The following SFTPB variants were observed in gnomAD, a reference collection of about 807,000 sequenced individuals.
The protein encoded by SFTPB is surfactant protein B, also known as pulmonary surfactant-associated protein B.
A neutral mutation model predicts 51.0 loss-of-function variants in SFTPB; 32 were observed. That is an observed-to-expected ratio of 0.63 (90% CI 0.47 to 0.84). The LOEUF is 0.84. SFTPB is among the 40% of genes least tolerant of loss of function. SFTPB has a pLI of 0.00. For synonymous variants in SFTPB, 211 were observed against 208.5 expected, an observed-to-expected ratio of 1.01 and a Z score of -0.10; for missense variants, 431 against 491.2, an observed-to-expected ratio of 0.88 and a Z score of 1.16.
At chr2:85,667,078 C>A (rs767442825) in intron 3 of SFTPB, 28 bp downstream of exon 3, 13 of 1,581,018 alleles carry the variant, frequency 8.2e-6, no homozygotes, top group Non-Finnish European at 9.6e-6. Flanking sequence ...TGGGCCCCAA[C>A]CTTCATCCAG....
chr2:85,663,978 A>G (rs1451634848), intron 6 of SFTPB, 131 bp from the exon 7 acceptor site: 1 of 838,540 alleles, frequency 1.2e-6, no homozygotes, highest in African/African-American at 1.7e-5. Context: ...AAGGCTATTC[A>G]CAAATAAGGA....
Position 85,663,291 on chromosome 2 carries a change from A to G in SFTPB, c.1002+55T>C, listed in dbSNP as rs562747999. On this transcript the variant is annotated intron_variant, in intron 8 of 10. Transcript: ENST00000519937. ...TGGCTGCAAAGCCTTTCCTGGGCTCAGCCTTCTGCCTTGAACGGGCCCTGA... is the reference window on the plus strand; with the variant it reads ...TGGCTGCAAAGCCTTTCCTGGGCTCGGCCTTCTGCCTTGAACGGGCCCTGA... 1.0e-5 allele frequency: 16 copies of G among 1,600,974 alleles called. No individual in the cohort carries two copies. The South Asian group carries it at 1.6e-4, about 16-fold the overall frequency.
In SFTPB at chr2:85,665,510, C is replaced by G. The variant is rs34520179; in HGVS notation, c.582+96G>C. ...TGCCTGGAGCTTCCTATCACCTTCC[C>G]GGCTCTGCCTCTCCCAGGGCCCAGT... On this transcript the variant is annotated intron_variant, in intron 5 of 10. Coordinates refer to ENST00000519937, the MANE Select transcript of SFTPB (RefSeq NM_000542.5). 2,633 of 1,489,948 alleles carry G rather than the reference C, an allele frequency of 1.8e-3. 4 individuals carry two copies. The highest frequency in any genetic ancestry group is 2.1e-3 in the Non-Finnish European group (2,249 of 1,073,944). The allele number at this position is 1,489,948 out of a possible 1,614,324, so 92.3% of individuals were successfully genotyped here. A position where few individuals can be genotyped will look rare whatever the true frequency, so the allele number is the denominator to read the frequency against.
rs185394362 is a variant in SFTPB at position 85,667,234 on chromosome 2, C to A, written c.196-57G>T. 6.1e-6 allele frequency: 8 copies of A among 1,311,298 alleles called. No individual in the cohort carries two copies. The East Asian group carries it at 1.6e-4, about 26-fold the overall frequency. 81.2% of individuals were successfully genotyped at this position (1,311,298 alleles called of 1,614,324 possible). On this transcript the variant is annotated intron_variant, in intron 2 of 10. Coordinates refer to ENST00000519937, the MANE Select transcript of SFTPB (RefSeq NM_000542.5). ...ACATGAGTGGGGGAGGCTCCCAGCT[C>A]CAATGGGGAGGTTCTCTTAGGAAGA...
chr2:85,668,270 C>T, upstream of SFTPB: 2 of 1,307,684 alleles, frequency 1.5e-6, no homozygotes, highest in South Asian at 2.5e-5. Flanking sequence ...GTGGCAGCGA[C>T]CTCAGTGTTT....
chr2:85,666,493 C>CTGTGTGTGTG (rs59023726), intron 4 of SFTPB, 124 bp downstream of exon 4: 21 of 740,142 alleles, frequency 2.8e-5, no homozygotes, highest in Non-Finnish European at 3.1e-5. Context: ...GGCTTGGGTG[C>CTGTGTGTGTG]TGTGTGTGTG....
In SFTPB at chr2:85,659,191, C is replaced by G. The variant is rs966519547; in HGVS notation, c.*511G>C. The G allele has an allele frequency of 1.3e-4, 20 of 152,168 alleles. No homozygotes were observed. The highest frequency in any genetic ancestry group is 4.6e-4 in the African/African-American group (19 of 41,438). The allele number at this position is 152,168 out of a possible 1,614,324, so 9.4% of individuals were successfully genotyped here. A position where few individuals can be genotyped will look rare whatever the true frequency, so the allele number is the denominator to read the frequency against. On this transcript the variant is annotated 3_prime_UTR_variant, in exon 11 of 11. Transcript: ENST00000519937. Reference sequence around the variant, plus strand: ...TTGCTGATTTTTTGAAAAAGCTTAACTTAACAATTTCTGATGTCTATCTTT... The same window carrying G: ...TTGCTGATTTTTTGAAAAAGCTTAAGTTAACAATTTCTGATGTCTATCTTT...
intron 1 of SFTPB, 49 bp downstream of exon 1, chr2:85,668,068 C>G: frequency 7.1e-7 from 1 of 1,415,676 alleles, no homozygotes; most frequent in Non-Finnish European, 9.8e-7. Context: ...AAGCAGTGCT[C>G]AGTGAGTGGT....
In SFTPB at chr2:85,665,617, G is replaced by A. The variant is rs1553380817; in HGVS notation, c.571C>T (p.Pro191Ser). 1 of 1,613,640 alleles carries A rather than the reference G, an allele frequency of 6.2e-7. No homozygotes were observed. ...LPGALQARPG[P>S]HTQDLSEQQF... ...GGGGCCTCCCTCACCTGTGTGTGAG[G>A]CCCAGGCCTCGCCTGGAGGGCCCCG... Residue 191 changes from proline to serine, a missense_variant, in exon 5 of 11, where the codon CCT becomes TCT. Transcript: ENST00000519937.
rs899382933 is a variant in SFTPB at position 85,663,704 on chromosome 2, G to A, written c.816C>T (p.Arg272=). Residue 272 remains arginine, a synonymous_variant, in exon 7 of 11, where the codon CGC becomes CGT. Coordinates refer to ENST00000519937, the MANE Select transcript of SFTPB (RefSeq NM_000542.5). The part of the protein sequence containing the change: ...LGRMLPQLVC[R]LVLRCSMDDS... Reference sequence around the variant, plus strand: ...CATCCATGGAGCACCGGAGGACGAGGCGGCAGACCAGCTGGGGCAGCATGC... The same window carrying A: ...CATCCATGGAGCACCGGAGGACGAGACGGCAGACCAGCTGGGGCAGCATGC... 1.9e-6 allele frequency: 3 copies of A among 1,612,844 alleles called. No individual in the cohort carries two copies. The highest frequency in any genetic ancestry group is 3.3e-5 in the Admixed American group (2 of 59,864).
intron 6 of SFTPB, among the ~76,000 whole-genome samples, chr2:85,664,937 C>A (rs1369162099): frequency 6.6e-6 from 1 of 152,240 alleles, no homozygotes; most frequent in Non-Finnish European, 1.5e-5. Context: ...CTTGAAAGAT[C>A]AAAGCAACCT....
intron 6 of SFTPB, 94 bp downstream of exon 6, chr2:85,665,195 C>T (rs1328628041): frequency 1.0e-6 from 1 of 991,010 alleles, no homozygotes; most frequent in Admixed American, 1.7e-5. Context: ...CAGCTGGGTC[C>T]TGACGGGGGT....
chr2:85,667,932 C>G (rs1483247658), intron 1 of SFTPB, 126 bp from the exon 2 acceptor site: 44 of 1,417,094 alleles, frequency 3.1e-5, no homozygotes, highest in Non-Finnish European at 4.2e-5. Context: ...GGACGTCAGA[C>G]AGCTCTGGGT....
In SFTPB at chr2:85,660,183, C is replaced by T. The variant is rs187635176; in HGVS notation, c.*20-501G>A. Among the ~76,000 whole-genome samples, 81 of 147,892 alleles carry T rather than the reference C, an allele frequency of 5.5e-4. 2 individuals carry two copies. In the South Asian group the frequency reaches 0.011, roughly 21 times the overall value. ...TGTCACCCAGGCTGGAGTGCAGAGGCGCAATCTTGGCTCGCTGCAATCTCC... is the reference window on the plus strand; with the variant it reads ...TGTCACCCAGGCTGGAGTGCAGAGGTGCAATCTTGGCTCGCTGCAATCTCC... On this transcript the variant is annotated intron_variant, in intron 10 of 10. Transcript: ENST00000519937.
intron 4 of SFTPB, among the ~76,000 whole-genome samples, chr2:85,666,279 GTGTC>G (rs1181588788): frequency 4.9e-5 from 7 of 141,992 alleles, no homozygotes; most frequent in Admixed American, 2.1e-4. Context: ...GTGTGGGTAT[GTGTC>G]TGGATGGAGT....
chr2:85,665,884 A>G lies in SFTPB; in HGVS notation c.394-90T>C. ...GCCCAAGGGCTCAGGGACCACTGGA[A>G]TGGGAGGAAGCAGGCCTAGTGGGGG... On this transcript the variant is annotated intron_variant, in intron 4 of 10. Coordinates refer to ENST00000519937, the MANE Select transcript of SFTPB (RefSeq NM_000542.5). The G allele has an allele frequency of 2.4e-6, 3 of 1,274,656 alleles. No individual in the cohort carries two copies. In the South Asian group the frequency reaches 3.8e-5, roughly 16 times the overall value. The allele number at this position is 1,274,656 out of a possible 1,614,324, so 79.0% of individuals were successfully genotyped here.
At chr2:85,661,349 G>T in intron 10 of SFTPB, 105 bp downstream of exon 10, 1 of 773,608 alleles carries the variant, frequency 1.3e-6, no homozygotes. Context: ...GGAGCAGCCG[G>T]CAGGAGTGGC....
intron 6 of SFTPB, 73 bp downstream of exon 6, chr2:85,665,215 GA>G: frequency 8.8e-7 from 1 of 1,133,336 alleles, no homozygotes. Flanking sequence ...TGTGAGTTGG[GA>G]GAGAGGTGGG....
At chr2:85,666,893 T>A in intron 3 of SFTPB, 151 bp from the exon 4 acceptor site, 1 of 1,094,770 alleles carries the variant, frequency 9.1e-7, no homozygotes, top group Non-Finnish European at 1.4e-6. Flanking sequence ...GTTGGGCACA[T>A]GTAGGGGCCC....
Sources: allele counts gnomAD v4.1 joint callset (sites outside exome capture counted in the v4.1 genomes callset), GRCh38; gene constraint gnomAD v4.1.1; transcripts MANE v1.5; gene names NCBI Gene and HGNC (gene_info 2026-07-23, HGNC 2026-07-21).